Variants in SH3BP2 observed in about 807,000 individuals in gnomAD.
The protein encoded by SH3BP2 is SH3 domain-binding protein 2.
A neutral mutation model predicts 56.2 loss-of-function variants in SH3BP2; 38 were observed. That is an observed-to-expected ratio of 0.68 (90% CI 0.52 to 0.89). SH3BP2 has a LOEUF of 0.89. SH3BP2 is among the 40% of genes least tolerant of loss of function. The probability of loss-of-function intolerance (pLI) is 0.00; values close to 1 mark genes in which losing one functional copy is unlikely to be tolerated. For missense variants in SH3BP2, 748 were observed against 762.6 expected, an observed-to-expected ratio of 0.98 and a Z score of 0.23; for synonymous variants, 346 against 316.7, an observed-to-expected ratio of 1.09 and a Z score of -0.98.
At position 2,831,496 on chromosome 4, in the gene SH3BP2, G is replaced by T. The variant is rs1724981332; in HGVS notation, c.1242-75G>T. The T allele has an allele frequency of 2.8e-6, 3 of 1,084,258 alleles. No individual in the cohort carries two copies. In the Admixed American group the frequency reaches 5.9e-5, roughly 21 times the overall value. 67.2% of individuals were successfully genotyped at this position (1,084,258 alleles called of 1,614,324 possible). Reference sequence around the variant, plus strand: ...GCCGTCCTCACACAGAGGGTGGAGTGGGGAGGGGAGCAGAGGGTGGCCGCC... The same window carrying T: ...GCCGTCCTCACACAGAGGGTGGAGTTGGGAGGGGAGCAGAGGGTGGCCGCC... On this transcript the variant is annotated intron_variant, in intron 8 of 12. Transcript: ENST00000503393. The surrounding 1 kb of genome is among the most constrained non-coding windows in gnomAD (Gnocchi z 4.1).
rs1294466954 is a variant in SH3BP2 at position 2,830,163 on chromosome 4, G to A, written c.1241+16G>A. On this transcript the variant is annotated intron_variant, in intron 8 of 12. Coordinates refer to ENST00000503393, the MANE Select transcript of SH3BP2 (RefSeq NM_001122681.2). ...CGCACCTCCAGTGAGTTTGTGTGGCGGCTGCAAGCCCTGCCTCCAGCTACA... is the reference window on the plus strand; with the variant it reads ...CGCACCTCCAGTGAGTTTGTGTGGCAGCTGCAAGCCCTGCCTCCAGCTACA... 1.3e-6 allele frequency: 2 copies of A among 1,594,954 alleles called. No individual in the cohort carries two copies.
Position 2,829,058 on chromosome 4 carries a change from T to G in SH3BP2, c.587-435T>G, listed in dbSNP as rs761710391. ...TTCCCTGACCCCGCATCCCCTGGCATCTCCCAGCTTTCTGGATATGTTCTG... is the reference window on the plus strand; with the variant it reads ...TTCCCTGACCCCGCATCCCCTGGCAGCTCCCAGCTTTCTGGATATGTTCTG... On this transcript the variant is annotated intron_variant, in intron 7 of 12. Transcript: ENST00000503393. This position sits in a 1 kb window ranked among gnomAD's most constrained non-coding sequence, Gnocchi z 4.9. Among the ~76,000 whole-genome samples the G allele has an allele frequency of 6.6e-6, 1 of 152,088 alleles. No homozygotes were observed. Among genetic ancestry groups the G allele is most frequent in the Non-Finnish European group, 1.5e-5 (1 of 68,020 alleles).
chr4:2,802,440 G>GTGTGTGTGTGTA (rs1288683235), intron 1 of SH3BP2, among the ~76,000 whole-genome samples: 1 of 145,664 alleles, frequency 6.9e-6, no homozygotes, highest in Non-Finnish European at 1.5e-5. Flanking sequence ...GTGTGTGTGT[G>GTGTGTGTGTGTA]TGTATGTATA....
intron 5 of SH3BP2, among the ~76,000 whole-genome samples, chr4:2,825,649 C>T (rs961541826): frequency 1.3e-5 from 2 of 152,246 alleles, no homozygotes; most frequent in African/African-American, 4.8e-5. Flanking sequence ...TCCTGTCTAC[C>T]TCCAGCCCCA....
rs373415147 is a variant in SH3BP2 at position 2,830,063 on chromosome 4, C to T, written c.1157C>T (p.Pro386Leu). Reference protein sequence around the residue: ...LFVPPVAPRPPALKLPVPEAM... With the variant: ...LFVPPVAPRPLALKLPVPEAM... Reference sequence around the variant, plus strand: ...GTGCCCCCCGTGGCTCCCCGGCCTCCTGCGCTGAAGCTGCCAGTGCCTGAG... The same window carrying T: ...GTGCCCCCCGTGGCTCCCCGGCCTCTTGCGCTGAAGCTGCCAGTGCCTGAG... The change falls in exon 8 of 13, where the codon CCT becomes CTT. Residue 386 changes from proline (P) to leucine (L), a missense_variant. Transcript: ENST00000503393. 3.1e-6 allele frequency: 5 copies of T among 1,611,550 alleles called. No homozygotes were observed. The African/African-American group carries it at 6.7e-5, about 21-fold the overall frequency.
chr4:2,833,320 C>T (rs528906622), intron 12 of SH3BP2: 9 of 582,788 alleles, frequency 1.5e-5, no homozygotes, highest in Non-Finnish European at 2.4e-5. Flanking sequence ...TTTCTTTTTG[C>T]GGGGACAGGG....
intron 1 of SH3BP2, among the ~76,000 whole-genome samples, chr4:2,798,147 C>A (rs1434312561): frequency 1.3e-5 from 2 of 151,870 alleles, no homozygotes; most frequent in South Asian, 4.2e-4. Context: ...GTCTCGGTGG[C>A]CCTGGCAGCG....
rs185036331 is a variant in SH3BP2 at position 2,794,449 on chromosome 4, A to T, written c.-5+1311A>T. ...CCAACCTCAGGGCCCCACTCCAGGC[A>T]CTCCACTCCTGGCAGGACAGGAGGC... On this transcript the variant is annotated intron_variant, in intron 1 of 12. Coordinates refer to ENST00000503393, the MANE Select transcript of SH3BP2 (RefSeq NM_001122681.2). 1.3e-3 allele frequency among the ~76,000 whole-genome samples: 191 copies of T among 152,070 alleles called. 3 individuals are homozygous for T. The highest frequency in any genetic ancestry group is 4.3e-3 in the African/African-American group (178 of 41,484).
chr4:2,809,943 G>A, intron 1 of SH3BP2: 1 of 450,960 alleles, frequency 2.2e-6, no homozygotes, highest in Non-Finnish European at 2.9e-6. Flanking sequence ...GGACACCAGG[G>A]CTGCCCATTG....
At chr4:2,799,117 T>C (rs548937174) in intron 1 of SH3BP2, 1,147 of 985,628 alleles carry the variant, frequency 1.2e-3, no homozygotes, top group Middle Eastern at 6.8e-3. Context: ...CCGCCCTGCC[T>C]CAGGACTTCG....
chr4:2,812,565 C>A, intron 1 of SH3BP2: 1 of 1,461,036 alleles, frequency 6.8e-7, no homozygotes, highest in Non-Finnish European at 9.2e-7. Context: ...ACGTGGGAGC[C>A]ACAGCCTTCC....
rs368135013 is a variant in SH3BP2 at position 2,833,813 on chromosome 4, C to T, written c.1665C>T (p.Tyr555=). Residue 555 remains tyrosine (Y), a synonymous_variant, in exon 13 of 13, where the codon TAC becomes TAT. Coordinates refer to ENST00000503393, the MANE Select transcript of SH3BP2 (RefSeq NM_001122681.2). ...AGAGCCTGCTGCTGCGGCACCCCTA[C>T]GGCTACACTGGGCCTAGGTGATGGC... ...SHQSLLLRHP[Y]GYTGPR is the part of the protein sequence containing the mutation. 146 of 1,582,080 alleles carry T rather than the reference C, an allele frequency of 9.2e-5. No homozygotes were observed. Among genetic ancestry groups the T allele is most frequent in the Middle Eastern group, 1.7e-4 (1 of 5,862 alleles).
chr4:2,804,538 C>T (rs1236424754), intron 1 of SH3BP2, among the ~76,000 whole-genome samples: 2 of 152,196 alleles, frequency 1.3e-5, no homozygotes, highest in Non-Finnish European at 1.5e-5. Flanking sequence ...TTCCCCAGGC[C>T]TTCCTGTCCT....
chr4:2,816,542 T>C (rs1208225286), intron 1 of SH3BP2, among the ~76,000 whole-genome samples: 1 of 152,234 alleles, frequency 6.6e-6, no homozygotes, highest in Non-Finnish European at 1.5e-5. Flanking sequence ...GGGGAAAAAC[T>C]TTCAGTCTTT....
At chr4:2,818,641 A>C (rs115426267) in intron 1 of SH3BP2, 21,780 of 849,806 alleles carry the variant, frequency 0.026, 318 homozygotes, top group African/African-American at 0.046. Context: ...TCCCTCCTCC[A>C]TCCCCACTGC....
intron 1 of SH3BP2, among the ~76,000 whole-genome samples, chr4:2,809,331 T>A (rs1723652489): frequency 7.6e-6 from 1 of 131,114 alleles, no homozygotes; most frequent in Non-Finnish European, 1.6e-5. Flanking sequence ...CCTGGGCTCA[T>A]TACCCACCTT....
At chr4:2,828,995 G>A (rs991018497) in intron 7 of SH3BP2, among the ~76,000 whole-genome samples, 2 of 152,146 alleles carry the variant, frequency 1.3e-5, no homozygotes, top group Non-Finnish European at 2.9e-5. Flanking sequence ...TGCCCGCTCC[G>A]AGTCATGTCC....
chr4:2,838,431 T>C lies in SH3BP2; in HGVS notation c.*4597T>C, dbSNP rs762534882. ...AGCTGGCTTCTTTGGCTCGTTATTA[T>C]GTCTGTGAGATTTATTCATGTTGCT... On this transcript the variant is annotated 3_prime_UTR_variant, in exon 13 of 13. Coordinates refer to ENST00000503393, the MANE Select transcript of SH3BP2 (RefSeq NM_001122681.2). 2.6e-5 allele frequency: 4 copies of C among 152,242 alleles called. No individual in the cohort carries two copies. Among genetic ancestry groups the C allele is most frequent in the Admixed American group, 6.5e-5 (1 of 15,286 alleles). 9.4% of individuals were successfully genotyped at this position (152,242 alleles called of 1,614,324 possible). A position where few individuals can be genotyped will look rare whatever the true frequency, so the allele number is the denominator to read the frequency against.
At chr4:2,797,887 G>T (rs1350576708) in intron 1 of SH3BP2, among the ~76,000 whole-genome samples, 2 of 152,222 alleles carry the variant, frequency 1.3e-5, no homozygotes, top group Admixed American at 6.5e-5. Context: ...GCTCTTTGAA[G>T]GTGGCTTGTC....
Sources: gnomAD v4.1 joint callset for allele counts (sites outside exome capture counted in the v4.1 genomes callset) on GRCh38, gnomAD v4.1.1 for gene constraint, Gnocchi (gnomAD v3.1) non-coding constraint, MANE v1.5 for transcripts, NCBI Gene and HGNC (gene_info 2026-07-23, HGNC 2026-07-21) for gene names.